The following NALCN variants were observed in gnomAD, a reference collection of about 807,000 sequenced individuals.
NALCN encodes sodium leak channel, non-selective, also known as sodium leak channel NALCN.
NALCN carries 111 observed loss-of-function variants against 225.3 expected under a neutral mutation model. The ratio of observed to expected loss-of-function variants is 0.49; its 90% CI spans 0.42 to 0.58. The LOEUF is 0.58. NALCN is among the 20% of genes least tolerant of loss of function. The pLI, the probability that NALCN is intolerant of heterozygous loss-of-function variation, is 0.00. For missense variants in NALCN, 1,378 were observed against 2,202.4 expected, an observed-to-expected ratio of 0.63 and a Z score of 7.49; for synonymous variants, 764 against 769.0, an observed-to-expected ratio of 0.99 and a Z score of 0.11.
At chr13:101,353,007 G>A (rs1358423632) in intron 6 of NALCN, among the ~76,000 whole-genome samples, 1 of 152,146 alleles carries the variant, frequency 6.6e-6, no homozygotes, top group East Asian at 1.9e-4. Context: ...ACATGCAACA[G>A]ATAACACTAT....
intron 6 of NALCN, among the ~76,000 whole-genome samples, chr13:101,372,663 T>C (rs1185192384): frequency 6.6e-6 from 1 of 152,106 alleles, no homozygotes; most frequent in African/African-American, 2.4e-5. Flanking sequence ...CATATCAACA[T>C]TTTGGAAATG....
chr13:101,238,113 A>C (rs1010237514), intron 11 of NALCN, among the ~76,000 whole-genome samples, 191 bp from the exon 12 acceptor site: 3 of 151,938 alleles, frequency 2.0e-5, no homozygotes, highest in African/African-American at 7.2e-5. Context: ...GACCAAAGCA[A>C]TCTTAAACAA....
chr13:101,398,241 T>C (rs2047371550), intron 2 of NALCN, among the ~76,000 whole-genome samples: 1 of 152,158 alleles, frequency 6.6e-6, no homozygotes, highest in Admixed American at 6.6e-5. Flanking sequence ...GAAAGTAACC[T>C]GGAGGGCAGA....
chr13:101,354,420 G>C (rs1009561500), intron 6 of NALCN, among the ~76,000 whole-genome samples: 1 of 152,130 alleles, frequency 6.6e-6, no homozygotes, highest in African/African-American at 2.4e-5. Flanking sequence ...ATGTGAAACC[G>C]TTTGAGGTTA....
chr13:101,102,290 A>C (rs892618704), intron 26 of NALCN, among the ~76,000 whole-genome samples: 1 of 152,072 alleles, frequency 6.6e-6, no homozygotes, highest in Non-Finnish European at 1.5e-5. Flanking sequence ...CTCAAAAAAA[A>C]AGAAAAAAAA....
At chr13:101,164,306 T>TG (rs1261028527) in intron 15 of NALCN, among the ~76,000 whole-genome samples, 1 of 151,986 alleles carries the variant, frequency 6.6e-6, no homozygotes, top group Non-Finnish European at 1.5e-5. Context: ...CTTGGGGGGT[T>TG]GGGGGGACAG....
chr13:101,113,831 G>C (rs535261465), intron 18 of NALCN, among the ~76,000 whole-genome samples: 1 of 152,170 alleles, frequency 6.6e-6, no homozygotes, highest in African/African-American at 2.4e-5. Context: ...AACGCTCATG[G>C]CATTTTGTTA....
chr13:101,103,170 AC>A lies in NALCN; in HGVS notation c.3057+1del. On this transcript the variant is annotated splice_donor_variant, in intron 26 of 43. Transcript: ENST00000251127. LOFTEE classifies it high-confidence loss of function. ...TGGAATCAAAGGATAATTCTCACAT[AC>A]CAAAAAAATTTCCTTGAAGCCGCTG... is the stretch of plus-strand genomic sequence containing the variant. 2 of 1,611,810 alleles carry A rather than the reference AC, an allele frequency of 1.2e-6. No homozygotes were observed. The highest frequency in any genetic ancestry group is 1.7e-6 in the Non-Finnish European group (2 of 1,179,262).
chr13:101,280,324 C>A (rs1449602424), intron 10 of NALCN, among the ~76,000 whole-genome samples: 1 of 152,166 alleles, frequency 6.6e-6, no homozygotes. Context: ...ATGTCATAAG[C>A]ATGCTGCTAT....
intron 14 of NALCN, among the ~76,000 whole-genome samples, chr13:101,191,392 C>G (rs2039673121): frequency 6.6e-6 from 1 of 152,158 alleles, no homozygotes; most frequent in Admixed American, 6.6e-5. Context: ...TGTGCTTTTA[C>G]AATACTTGCA....
chr13:101,179,294 A>G (rs2039092455), intron 14 of NALCN, among the ~76,000 whole-genome samples: 1 of 150,872 alleles, frequency 6.6e-6, no homozygotes, highest in Non-Finnish European at 1.5e-5. Context: ...AAATGTAATA[A>G]TAGCTCAACA....
intron 13 of NALCN, among the ~76,000 whole-genome samples, chr13:101,194,512 T>A (rs943315262): frequency 6.6e-6 from 1 of 152,198 alleles, no homozygotes; most frequent in Non-Finnish European, 1.5e-5. Flanking sequence ...GTAGTGTGCT[T>A]GAGATAGTGA....
At chr13:101,285,448 C>T (rs76064028) in intron 9 of NALCN, among the ~76,000 whole-genome samples, 117 of 151,828 alleles carry the variant, frequency 7.7e-4, no homozygotes, top group African/African-American at 2.6e-3. Flanking sequence ...TACAGGCACC[C>T]GCCACAATGC....
chr13:101,274,427 C>T (rs1473021551), intron 10 of NALCN, among the ~76,000 whole-genome samples: 2 of 152,210 alleles, frequency 1.3e-5, no homozygotes, highest in Non-Finnish European at 2.9e-5. Flanking sequence ...CATCAAATTC[C>T]TTATGCTGTC....
chr13:101,291,895 C>A (rs2043567065), intron 9 of NALCN, 95 bp downstream of exon 9: 1 of 1,210,066 alleles, frequency 8.3e-7, no homozygotes, highest in Non-Finnish European at 1.2e-6. Flanking sequence ...CTATAGAAGC[C>A]CATCATGCAA....
At chr13:101,397,371 T>A (rs2047339756) in intron 2 of NALCN, among the ~76,000 whole-genome samples, 1 of 150,416 alleles carries the variant, frequency 6.6e-6, no homozygotes, top group South Asian at 2.1e-4. Flanking sequence ...AGATAAGACA[T>A]AATATACATA....
intron 3 of NALCN, among the ~76,000 whole-genome samples, chr13:101,394,376 C>T (rs769366812): frequency 6.6e-6 from 1 of 152,138 alleles, no homozygotes; most frequent in Non-Finnish European, 1.5e-5. Flanking sequence ...CACTTTCTCA[C>T]CAAAATTAGC....
At chr13:101,268,465 C>A (rs751279666) in intron 10 of NALCN, among the ~76,000 whole-genome samples, 4 of 152,118 alleles carry the variant, frequency 2.6e-5, no homozygotes, top group Non-Finnish European at 5.9e-5. Flanking sequence ...TAAATAATAA[C>A]CCTTGTGGGA....
In NALCN at chr13:101,078,960, G is replaced by T. The variant is rs1209815151; in HGVS notation, c.3885+2567C>A. ...ATCCTGTTCTCATGATATTGAGTTA[G>T]TTCTCACAAGATCTGATGGTTTTAT... is the stretch of plus-strand genomic sequence containing the variant. On this transcript the variant is annotated intron_variant, in intron 34 of 43. Transcript: ENST00000251127. Among the ~76,000 whole-genome samples, 3 of 152,274 alleles carry T rather than the reference G, an allele frequency of 2.0e-5. No homozygotes were observed. The East Asian group carries it at 5.8e-4, about 29-fold the overall frequency.
Sources: gnomAD v4.1 joint callset for allele counts (sites outside exome capture counted in the v4.1 genomes callset) on GRCh38, gnomAD v4.1.1 for gene constraint, MANE v1.5 for transcripts, NCBI Gene and HGNC (gene_info 2026-07-23, HGNC 2026-07-21) for gene names.